Variants in SBF2 observed in about 807,000 individuals in gnomAD.
SBF2 encodes SET binding factor 2.
In SBF2, 112 loss-of-function variants were observed where a neutral mutation model predicts 225.2. The ratio of observed to expected loss-of-function variants is 0.50; its 90% CI spans 0.43 to 0.58. The LOEUF (loss-of-function observed/expected upper bound fraction) is 0.58. Ranked by LOEUF, SBF2 falls within the 20% of genes least tolerant of loss-of-function variation. The pLI is 0.00. For synonymous variants in SBF2, 763 were observed against 773.3 expected, an observed-to-expected ratio of 0.99 and a Z score of 0.22; for missense variants, 1,996 against 2,206.2, an observed-to-expected ratio of 0.90 and a Z score of 1.91.
At chr11:10,145,438 C>T (rs1954840603) in intron 2 of SBF2, among the ~76,000 whole-genome samples, 2 of 152,016 alleles carry the variant, frequency 1.3e-5, no homozygotes, top group Non-Finnish European at 2.9e-5. Context: ...AGTTATGAGA[C>T]CACCCAGATT....
intron 22 of SBF2, among the ~76,000 whole-genome samples, chr11:9,848,098 G>A (rs1192849606): frequency 6.6e-6 from 1 of 151,940 alleles, no homozygotes; most frequent in Admixed American, 6.6e-5. Context: ...GTGGGGAGGG[G>A]GTGGGGAGAT....
intron 2 of SBF2, among the ~76,000 whole-genome samples, chr11:10,132,300 C>T (rs931997438): frequency 1.3e-5 from 2 of 152,138 alleles, no homozygotes; most frequent in Non-Finnish European, 2.9e-5. Flanking sequence ...CTTGTAATTT[C>T]GTGAACGACA....
chr11:10,196,026 T>C (rs1190954501), intron 1 of SBF2, among the ~76,000 whole-genome samples: 3 of 152,160 alleles, frequency 2.0e-5, no homozygotes, highest in African/African-American at 7.2e-5. Context: ...TCATAATCAA[T>C]TCGGGGAAAC....
chr11:9,937,805 T>C (rs980548328), intron 16 of SBF2, among the ~76,000 whole-genome samples: 1 of 152,106 alleles, frequency 6.6e-6, no homozygotes, highest in East Asian at 1.9e-4. Flanking sequence ...ATAGTTTTGA[T>C]TTATTATAGC....
intron 2 of SBF2, among the ~76,000 whole-genome samples, chr11:10,044,331 A>G (rs562932290): frequency 6.6e-6 from 1 of 152,358 alleles, no homozygotes; most frequent in African/African-American, 2.4e-5. Flanking sequence ...GGAGACCCGC[A>G]AGAGGAGAAG....
intron 18 of SBF2, among the ~76,000 whole-genome samples, chr11:9,857,688 A>G (rs994168380): frequency 6.6e-6 from 1 of 152,236 alleles, no homozygotes; most frequent in African/African-American, 2.4e-5. Flanking sequence ...AAACTTTCAG[A>G]GTATTTAAAA....
chr11:9,909,846 C>G (rs1479839581), intron 16 of SBF2, among the ~76,000 whole-genome samples: 2 of 152,032 alleles, frequency 1.3e-5, no homozygotes, highest in East Asian at 3.9e-4. Flanking sequence ...GTATCTAGGC[C>G]TAGGACTTCC....
At chr11:10,236,555 GT>G (rs1959086555) in intron 1 of SBF2, among the ~76,000 whole-genome samples, 1 of 152,134 alleles carries the variant, frequency 6.6e-6, no homozygotes, top group Admixed American at 6.5e-5. Flanking sequence ...CGCCTCCTGG[GT>G]TCAAGCAATT....
At chr11:9,896,348 T>C (rs1228081070) in intron 16 of SBF2, among the ~76,000 whole-genome samples, 3 of 151,764 alleles carry the variant, frequency 2.0e-5, no homozygotes, top group Non-Finnish European at 2.9e-5. Flanking sequence ...CTTACACAAA[T>C]TTTTTTTTGG....
intron 1 of SBF2, among the ~76,000 whole-genome samples, chr11:10,250,738 T>C (rs1285406335): frequency 3.3e-5 from 5 of 152,202 alleles, no homozygotes; most frequent in African/African-American, 1.2e-4. Context: ...AATATAGAAC[T>C]TGAAGACTGG....
At chr11:10,262,142 G>T (rs1178205482) in intron 1 of SBF2, among the ~76,000 whole-genome samples, 2 of 152,062 alleles carry the variant, frequency 1.3e-5, no homozygotes, top group African/African-American at 4.8e-5. Flanking sequence ...TTAATTATAT[G>T]CATGCCAAAC....
chr11:9,967,947 G>GTCTGTCTC (rs57976016), intron 14 of SBF2, among the ~76,000 whole-genome samples: 14 of 100,250 alleles, frequency 1.4e-4, no homozygotes, highest in Non-Finnish European at 2.4e-4. Flanking sequence ...CTGTCTGTCT[G>GTCTGTCTC]TCTCTCTCTC....
At chr11:9,926,683 A>G (rs1864081123) in intron 16 of SBF2, among the ~76,000 whole-genome samples, 1 of 152,182 alleles carries the variant, frequency 6.6e-6, no homozygotes, top group African/African-American at 2.4e-5. Flanking sequence ...GGGAAATGAG[A>G]AAGTATTTAA....
chr11:10,250,395 G>A (rs1428575449), intron 1 of SBF2, among the ~76,000 whole-genome samples: 6 of 152,182 alleles, frequency 3.9e-5, no homozygotes, highest in Non-Finnish European at 7.3e-5. Context: ...TCCTTCTTGA[G>A]TCCTTAAGGC....
At chr11:9,822,361 A>C (rs916130149) in intron 28 of SBF2, among the ~76,000 whole-genome samples, 5 of 151,688 alleles carry the variant, frequency 3.3e-5, no homozygotes, top group Admixed American at 6.6e-5. Context: ...CCCGGGTTCA[A>C]GCCATTCTCC....
intron 17 of SBF2, among the ~76,000 whole-genome samples, chr11:9,879,473 T>C (rs1264570698): frequency 6.6e-6 from 1 of 152,196 alleles, no homozygotes; most frequent in East Asian, 1.9e-4. Context: ...GCCCTGTGAC[T>C]TCCAACCCCA....
chr11:10,279,812 G>C (rs914512286), intron 1 of SBF2, among the ~76,000 whole-genome samples: 3 of 152,112 alleles, frequency 2.0e-5, no homozygotes, highest in Non-Finnish European at 4.4e-5. Flanking sequence ...ACCACGCCTG[G>C]CTAATTTTGG....
At chr11:10,227,194 T>G (rs954760413) in intron 1 of SBF2, among the ~76,000 whole-genome samples, 4 of 152,218 alleles carry the variant, frequency 2.6e-5, no homozygotes, top group African/African-American at 9.7e-5. Flanking sequence ...TAAATTTGTT[T>G]GAGTTCATTG....
At chr11:9,786,903 A>AT (rs1554899625) in intron 36 of SBF2, among the ~76,000 whole-genome samples, 1 of 149,826 alleles carries the variant, frequency 6.7e-6, no homozygotes, top group Admixed American at 6.6e-5. Flanking sequence ...ATATATATAC[A>AT]TTTTTTTGAG....
Sources: gnomAD v4.1 joint callset for allele counts (sites outside exome capture counted in the v4.1 genomes callset) on GRCh38, gnomAD v4.1.1 for gene constraint, MANE v1.5 for transcripts, NCBI Gene and HGNC (gene_info 2026-07-23, HGNC 2026-07-21) for gene names.